WASHC2A: variants seen among roughly 807,000 people sequenced by gnomAD.
WASHC2A encodes WASH complex subunit FAM21A.
A neutral mutation model predicts 140.3 loss-of-function variants in WASHC2A; 82 were observed. The ratio of observed to expected loss-of-function variants is 0.58; its 90% confidence interval spans 0.49 to 0.70. The LOEUF is 0.70. WASHC2A is among the 30% of genes least tolerant of loss of function. The pLI is 0.00. For missense variants in WASHC2A, 985 were observed against 1,521.8 expected (o/e 0.65, Z 5.87); for synonymous variants, 340 against 560.8 (o/e 0.61, Z 5.56).
chr10:50,071,969 C>T (rs1254661350), intron 3 of WASHC2A, among the ~76,000 whole-genome samples: 1 of 137,914 alleles, frequency 7.3e-6, no homozygotes, highest in African/African-American at 2.7e-5. Context: ...AGTGCAGTGA[C>T]ACCATCTCGG....
rs541237468 is a variant in WASHC2A at position 50,129,561 on chromosome 10, A to G, written c.3230A>G (p.Asn1077Ser). 1.7e-5 allele frequency: 28 copies of G among 1,611,996 alleles called. No individual in the cohort carries two copies. The African/African-American group carries it at 2.9e-4, about 17-fold the overall frequency. ...AQWADGAISPNGHRPQLRAAS... is the reference protein window; with the variant it reads ...AQWADGAISPSGHRPQLRAAS... ...TGGGCTGATGGCGCCATTTCCCCAA[A>G]TGGCCATCGGCCACAGCTCAGAGCA... The change falls in exon 29 of 31, where the codon AAT becomes AGT. Residue 1077 changes from asparagine to serine, a missense_variant. Coordinates refer to ENST00000282633, the MANE Select transcript of WASHC2A (RefSeq NM_001005751.3).
chr10:50,084,081 A>G lies in WASHC2A; in HGVS notation c.538A>G (p.Ile180Val), dbSNP rs1414180950. Residue 180 changes from isoleucine (I) to valine (V), a missense_variant, in exon 6 of 31, where the codon ATT becomes GTT. Transcript: ENST00000282633. ...ELILEPKDLY[I>V]DRPLPYLIGS... ...CTTTCATGATGTACAGGATCTATAC[A>G]TTGATCGTCCTTTACCATATCTCAT... 1 of 1,611,550 alleles carries G rather than the reference A, an allele frequency of 6.2e-7. No homozygotes were observed. Among genetic ancestry groups the G allele is most frequent in the African/African-American group, 1.3e-5 (1 of 74,752 alleles).
intron 8 of WASHC2A, among the ~76,000 whole-genome samples, chr10:50,088,505 C>T (rs1370816928): frequency 6.6e-6 from 1 of 152,056 alleles, no homozygotes; most frequent in Non-Finnish European, 1.5e-5. Context: ...GGCAAACCGC[C>T]CACTTCGCCC....
chr10:50,069,471 G>C, intron 2 of WASHC2A, 76 bp from the exon 3 acceptor site: 2 of 1,493,880 alleles, frequency 1.3e-6, no homozygotes, highest in Non-Finnish European at 1.8e-6. Flanking sequence ...GAAAGGAAAT[G>C]GGTTCTTTTT....
Position 50,131,050 on chromosome 10 carries a change from A to T in WASHC2A, c.3858A>T (p.Glu1286Asp). The change falls in exon 30 of 31, where the codon GAA (glutamate) becomes GAT (aspartate). Residue 1286 changes from glutamate to aspartate, a missense_variant. Transcript: ENST00000282633. The stretch of plus-strand genomic sequence containing the variant: ...AAGAAAAGTCCAAAAAGAAAGTGGA[A>T]GCCAAGTCTATATTTGATGATGATA... ...KPKEKSKKKV[E>D]AKSIFDDDMD... 14 of 1,611,652 alleles carry T rather than the reference A, an allele frequency of 8.7e-6. No homozygotes were observed. Among genetic ancestry groups the T allele is most frequent in the Non-Finnish European group, 1.2e-5 (14 of 1,179,740 alleles).
chr10:50,097,404 A>G (rs1182957092), intron 15 of WASHC2A, among the ~76,000 whole-genome samples: 3 of 150,794 alleles, frequency 2.0e-5, no homozygotes, highest in African/African-American at 7.3e-5. Flanking sequence ...AGCCAGTCCA[A>G]GCTACTCTAA....
At chr10:50,112,135 T>C in intron 20 of WASHC2A, 1 of 984,554 alleles carries the variant, frequency 1.0e-6, no homozygotes. Context: ...AGCTGAGCAT[T>C]TTCTGCACTG....
At chr10:50,081,156 G>A (rs1306896203) in intron 5 of WASHC2A, among the ~76,000 whole-genome samples, 2 of 148,140 alleles carry the variant, frequency 1.4e-5, no homozygotes, top group Non-Finnish European at 3.0e-5. Flanking sequence ...TGCAGAGCAT[G>A]GCCTCTACTC....
At position 50,069,723 on chromosome 10, in the gene WASHC2A, A is replaced by G; in HGVS notation, c.291+12A>G. ...AGTTCATTGAGAATGTGAGTTATTT[A>G]GTTATATTATCATTCCTTTTTTGGG... On this transcript the variant is annotated intron_variant, in intron 3 of 30. Coordinates refer to ENST00000282633, the MANE Select transcript of WASHC2A (RefSeq NM_001005751.3). 1 of 1,608,920 alleles carries G rather than the reference A, an allele frequency of 6.2e-7. No individual in the cohort carries two copies. The highest frequency in any genetic ancestry group is 8.5e-7 in the Non-Finnish European group (1 of 1,177,612).
chr10:50,120,676 G>C (rs74475588), intron 23 of WASHC2A, among the ~76,000 whole-genome samples: 31,558 of 142,732 alleles, frequency 0.22, 4,051 homozygotes, highest in East Asian at 0.48. Flanking sequence ...GTATGACCCT[G>C]ATATTAAAAC....
chr10:50,102,800 AC>A, intron 17 of WASHC2A, among the ~76,000 whole-genome samples: 1 of 150,576 alleles, frequency 6.6e-6, no homozygotes, highest in South Asian at 2.2e-4. Context: ...ATGTAGGTCA[AC>A]TTGCAGGTCT....
At chr10:50,089,517 C>CCTTT (rs1839687605) in intron 8 of WASHC2A, among the ~76,000 whole-genome samples, 1 of 151,956 alleles carries the variant, frequency 6.6e-6, no homozygotes, top group Non-Finnish European at 1.5e-5. Flanking sequence ...GCCTTCCAGT[C>CCTTT]CTTTCCTTCT....
chr10:50,078,830 G>A lies in WASHC2A; in HGVS notation c.354+93G>A, dbSNP rs1387261333. ...ATGTGGGAACTGGGGGATGGTGGGC[G>A]GGGTTGGGAAAGGGAGGGACTGCTC... On this transcript the variant is annotated intron_variant, in intron 4 of 30. Transcript: ENST00000282633. The A allele has an allele frequency of 3.5e-4, 562 of 1,611,456 alleles. 3 individuals carry two copies. In the African/African-American group the frequency reaches 6.6e-3, roughly 19 times the overall value.
At chr10:50,131,356 G>C (rs1414715398) in intron 30 of WASHC2A, 1 of 619,200 alleles carries the variant, frequency 1.6e-6, no homozygotes, top group African/African-American at 1.8e-5. Context: ...CCAATCATCT[G>C]TGACACACCC....
At chr10:50,071,478 T>C (rs1445906656) in intron 3 of WASHC2A, among the ~76,000 whole-genome samples, 2 of 152,020 alleles carry the variant, frequency 1.3e-5, no homozygotes, top group African/African-American at 4.8e-5. Context: ...GCTAATTTTT[T>C]GTATTTTTAG....
At chr10:50,071,087 A>G (rs1762142263) in intron 3 of WASHC2A, among the ~76,000 whole-genome samples, 1 of 121,218 alleles carries the variant, frequency 8.2e-6, no homozygotes, top group African/African-American at 2.7e-5. Flanking sequence ...TTGTTTACAC[A>G]GAATGTCCAT....
chr10:50,083,140 A>G (rs1433720691), intron 5 of WASHC2A, among the ~76,000 whole-genome samples: 1 of 110,418 alleles, frequency 9.1e-6, no homozygotes, highest in Non-Finnish European at 1.8e-5. Context: ...ATGGGATTAT[A>G]GGTGTGCGCC....
At chr10:50,099,283 T>C (rs1354239263) in intron 16 of WASHC2A, among the ~76,000 whole-genome samples, 4 of 150,890 alleles carry the variant, frequency 2.7e-5, no homozygotes, top group African/African-American at 7.3e-5. Context: ...TTTTTTTTTT[T>C]TTATGAGACA....
chr10:50,071,643 T>C (rs1554876282), intron 3 of WASHC2A, among the ~76,000 whole-genome samples: 2 of 148,800 alleles, frequency 1.3e-5, no homozygotes. Context: ...TTGTACCAGA[T>C]TGGTACTAGA....
Sources: allele counts gnomAD v4.1 joint callset (sites outside exome capture counted in the v4.1 genomes callset), GRCh38; gene constraint gnomAD v4.1.1; transcripts MANE v1.5; gene names NCBI Gene and HGNC (gene_info 2026-07-23, HGNC 2026-07-21).